Variants in EYA2 observed in about 807,000 individuals in gnomAD.
The protein encoded by EYA2 is protein phosphatase EYA2.
Under a neutral mutation model 69.2 loss-of-function variants are expected in EYA2, and 31 were observed. The observed-to-expected ratio is 0.45, with a 90% CI of 0.34 to 0.60. EYA2 has a LOEUF of 0.60. EYA2 is among the 20% of genes least tolerant of loss of function. The pLI is 0.02. For missense variants in EYA2, 622 were observed against 701.2 expected (o/e 0.89, Z 1.28); for synonymous variants, 257 against 279.4 (o/e 0.92, Z 0.80).
At chr20:46,969,694 T>C (rs1165423484) in intron 1 of EYA2, among the ~76,000 whole-genome samples, 2 of 152,188 alleles carry the variant, frequency 1.3e-5, no homozygotes, top group Non-Finnish European at 2.9e-5. Flanking sequence ...TCAAATCTAT[T>C]TTAGGAGTTA....
At chr20:46,987,236 G>T (rs1022099666) in intron 1 of EYA2, among the ~76,000 whole-genome samples, 1 of 152,204 alleles carries the variant, frequency 6.6e-6, no homozygotes, top group African/African-American at 2.4e-5. Flanking sequence ...CCAGTGAGCA[G>T]GGCAGTGTTC....
chr20:46,895,326 C>A (rs930475390), intron 1 of EYA2, among the ~76,000 whole-genome samples: 1 of 151,892 alleles, frequency 6.6e-6, no homozygotes, highest in African/African-American at 2.4e-5. Context: ...GGGTCCTTGG[C>A]GTTTTGTTCG....
At chr20:46,997,165 A>T (rs1173814203) in intron 2 of EYA2, among the ~76,000 whole-genome samples, 1 of 152,224 alleles carries the variant, frequency 6.6e-6, no homozygotes, top group African/African-American at 2.4e-5. Context: ...CCAGGCCAGC[A>T]CCTGGGCAAA....
chr20:47,126,854 C>G (rs1464650854), intron 9 of EYA2, among the ~76,000 whole-genome samples: 1 of 152,162 alleles, frequency 6.6e-6, no homozygotes, highest in Non-Finnish European at 1.5e-5. Context: ...ACGGATGCTG[C>G]TCAAATTCCT....
chr20:47,030,204 C>G (rs1299197882), intron 5 of EYA2, among the ~76,000 whole-genome samples: 1 of 152,208 alleles, frequency 6.6e-6, no homozygotes, highest in Non-Finnish European at 1.5e-5. Flanking sequence ...CAGGTGGGAC[C>G]TGGGAATGGT....
intron 1 of EYA2, among the ~76,000 whole-genome samples, chr20:46,907,724 A>G (rs1020696021): frequency 1.3e-5 from 2 of 152,160 alleles, no homozygotes; most frequent in Non-Finnish European, 2.9e-5. Context: ...CTGTAGTCCC[A>G]GCTACTGGAG....
chr20:47,117,501 G>A (rs79076174), intron 9 of EYA2: 3 of 985,278 alleles, frequency 3.0e-6, no homozygotes, highest in South Asian at 4.7e-5. Context: ...AGTCCTCCCC[G>A]ATTCCTCCGC....
intron 10 of EYA2, 139 bp downstream of exon 10, chr20:47,143,287 C>G (rs2033634841): frequency 1.0e-5 from 8 of 773,932 alleles, no homozygotes; most frequent in Non-Finnish European, 1.6e-5. Flanking sequence ...GAAACTTTTG[C>G]TAACAACCCC....
intron 4 of EYA2, among the ~76,000 whole-genome samples, chr20:47,006,925 A>C (rs1467640479): frequency 1.3e-5 from 2 of 152,112 alleles, no homozygotes; most frequent in Non-Finnish European, 2.9e-5. Context: ...ATAGAAAAAA[A>C]AGTTTTTTTA....
intron 12 of EYA2, among the ~76,000 whole-genome samples, chr20:47,176,994 C>T (rs1302080775): frequency 2.6e-5 from 4 of 152,120 alleles, no homozygotes; most frequent in African/African-American, 9.7e-5. Flanking sequence ...GACGGGATTT[C>T]ACCACGTTGG....
At chr20:46,897,032 C>T (rs1441015736) in intron 1 of EYA2, among the ~76,000 whole-genome samples, 3 of 152,056 alleles carry the variant, frequency 2.0e-5, no homozygotes, top group South Asian at 4.1e-4. Context: ...AAGTTTTCAT[C>T]ACGTAAGTTT....
chr20:46,901,898 C>A (rs536041661), intron 1 of EYA2, among the ~76,000 whole-genome samples: 33 of 152,296 alleles, frequency 2.2e-4, no homozygotes, highest in African/African-American at 7.9e-4. Context: ...CTCCGGTCTG[C>A]GATGGGCCCA....
At chr20:47,046,610 G>T (rs984152632) in intron 5 of EYA2, among the ~76,000 whole-genome samples, 1 of 152,120 alleles carries the variant, frequency 6.6e-6, no homozygotes, top group Non-Finnish European at 1.5e-5. Flanking sequence ...GGGTGGGCTG[G>T]GTCCAAGCCC....
At chr20:46,938,557 G>T (rs1986019170) in intron 1 of EYA2, among the ~76,000 whole-genome samples, 1 of 152,176 alleles carries the variant, frequency 6.6e-6, no homozygotes, top group African/African-American at 2.4e-5. Context: ...GCTGTTGATT[G>T]GAGGCCTCAG....
At chr20:46,938,434 A>G (rs1986014376) in intron 1 of EYA2, among the ~76,000 whole-genome samples, 1 of 152,222 alleles carries the variant, frequency 6.6e-6, no homozygotes, top group Non-Finnish European at 1.5e-5. Context: ...TCTGTAGGTC[A>G]GGAATCTGGG....
intron 10 of EYA2, among the ~76,000 whole-genome samples, chr20:47,152,746 G>A (rs2033847355): frequency 6.6e-6 from 1 of 151,614 alleles, no homozygotes; most frequent in South Asian, 2.1e-4. Flanking sequence ...AGGAGGCAAT[G>A]GTCGCGGTGA....
At chr20:46,920,234 T>TAA (rs11472988) in intron 1 of EYA2, among the ~76,000 whole-genome samples, 20,643 of 149,146 alleles carry the variant, frequency 0.14, 1,863 homozygotes, top group East Asian at 0.47. Flanking sequence ...TTAATTTGTT[T>TAA]AAAAAAAAAA....
chr20:46,987,964 C>CCCTCTCTCTCTCTATATA (rs1981376517), intron 1 of EYA2, among the ~76,000 whole-genome samples: 2 of 11,280 alleles, frequency 1.8e-4, no homozygotes. Flanking sequence ...CTCTCTCTCT[C>CCCTCTCTCTCTCTATATA]TATATATATA....
intron 10 of EYA2, among the ~76,000 whole-genome samples, chr20:47,156,369 G>GA (rs1347835783): frequency 8.6e-5 from 13 of 150,842 alleles, no homozygotes; most frequent in Non-Finnish European, 8.9e-5. Context: ...CCTTTCAGGA[G>GA]AAACAAGGTA....
Sources: gnomAD v4.1 joint callset for allele counts (sites outside exome capture counted in the v4.1 genomes callset) on GRCh38, gnomAD v4.1.1 for gene constraint, MANE v1.5 for transcripts, NCBI Gene and HGNC (gene_info 2026-07-23, HGNC 2026-07-21) for gene names.